INPP4B: variants seen among roughly 807,000 people sequenced by gnomAD.
INPP4B encodes inositol polyphosphate-4-phosphatase type II B.
Under a neutral mutation model 122.5 loss-of-function variants are expected in INPP4B, and 55 were observed. That is an observed-to-expected ratio of 0.45 (90% confidence interval 0.36 to 0.56). The LOEUF (loss-of-function observed/expected upper bound fraction) is 0.56. INPP4B is among the 20% of genes least tolerant of loss of function. The pLI is 0.00. For missense variants in INPP4B, 1,000 were observed against 1,097.7 expected, an observed-to-expected ratio of 0.91 and a Z score of 1.26; for synonymous variants, 403 against 388.7, an observed-to-expected ratio of 1.04 and a Z score of -0.43.
chr4:142,033,235 C>A (rs1741512671), intron 25 of INPP4B, among the ~76,000 whole-genome samples: 1 of 152,164 alleles, frequency 6.6e-6, no homozygotes, highest in Non-Finnish European at 1.5e-5. Context: ...GAAGGCTGGT[C>A]CATAAACTTG....
chr4:142,213,443 G>A (rs1845711487), intron 12 of INPP4B, among the ~76,000 whole-genome samples: 1 of 152,136 alleles, frequency 6.6e-6, no homozygotes, highest in Non-Finnish European at 1.5e-5. Flanking sequence ...TAAGATCTAG[G>A]TCCAACCACA....
chr4:142,226,493 A>AT (rs1851646979), intron 12 of INPP4B, among the ~76,000 whole-genome samples: 1 of 152,226 alleles, frequency 6.6e-6, no homozygotes, highest in South Asian at 2.1e-4. Context: ...TTTAGAGCTA[A>AT]TATTATTTGC....
rs36228246 is a variant in INPP4B, at chr4:142,065,234, A to AACAC, written c.2642+16793_2642+16796dup. The stretch of plus-strand genomic sequence containing the variant: ...ATAAAATGGAGTTAAGAATGAGGCC[A>AACAC]ACACACACACACACACACACACACA... On this transcript the variant is annotated intron_variant, in intron 25 of 25. Transcript: ENST00000262992. Among the ~76,000 whole-genome samples, 291 of 149,640 alleles carry AACAC rather than the reference A, an allele frequency of 1.9e-3. 3 individuals are homozygous for AACAC. The highest frequency in any genetic ancestry group is 6.0e-3 in the African/African-American group (246 of 40,764).
chr4:142,055,152 AC>A (rs1756928049), intron 25 of INPP4B, among the ~76,000 whole-genome samples: 1 of 152,116 alleles, frequency 6.6e-6, no homozygotes, highest in Non-Finnish European at 1.5e-5. Flanking sequence ...AGTAATACTA[AC>A]TATGGAACTG....
At chr4:142,324,408 A>G (rs757148657) in intron 7 of INPP4B, among the ~76,000 whole-genome samples, 8 of 152,058 alleles carry the variant, frequency 5.3e-5, no homozygotes, top group Admixed American at 2.6e-4. Context: ...GAAAAAGTGG[A>G]TATTGTTAAG....
intron 17 of INPP4B, among the ~76,000 whole-genome samples, chr4:142,147,079 C>T (rs892954257): frequency 7.9e-5 from 12 of 152,156 alleles, no homozygotes; most frequent in African/African-American, 2.9e-4. Context: ...TTTCTCTCTC[C>T]AGGCATAATA....
chr4:142,131,420 T>A (rs1801203827), intron 18 of INPP4B, among the ~76,000 whole-genome samples: 1 of 151,824 alleles, frequency 6.6e-6, no homozygotes, highest in Non-Finnish European at 1.5e-5. Flanking sequence ...TAGGTGAATA[T>A]AGAAGTTTCC....
At chr4:142,356,884 T>C (rs1783792996) in intron 7 of INPP4B, among the ~76,000 whole-genome samples, 1 of 151,860 alleles carries the variant, frequency 6.6e-6, no homozygotes, top group Admixed American at 6.6e-5. Flanking sequence ...GGGTGAGGGA[T>C]TACACATTGA....
intron 2 of INPP4B, among the ~76,000 whole-genome samples, chr4:142,545,609 G>A (rs1267011760): frequency 3.3e-5 from 5 of 151,694 alleles, no homozygotes; most frequent in African/African-American, 9.7e-5. Flanking sequence ...AGCCTCCTTT[G>A]TATGCAAATA....
intron 25 of INPP4B, among the ~76,000 whole-genome samples, chr4:142,038,102 C>G (rs1320840640): frequency 6.6e-6 from 1 of 152,066 alleles, no homozygotes; most frequent in Non-Finnish European, 1.5e-5. Flanking sequence ...ACTCGAAATA[C>G]TCTAGATAAT....
intron 2 of INPP4B, among the ~76,000 whole-genome samples, chr4:142,611,637 CTTTTTTT>C (rs34482115): frequency 4.6e-5 from 3 of 65,238 alleles, no homozygotes; most frequent in Non-Finnish European, 7.9e-5. Context: ...TTTCTTTTTT[CTTTTTTT>C]TTTTTTTTTT....
intron 1 of INPP4B, among the ~76,000 whole-genome samples, chr4:142,736,991 G>A (rs551831260): frequency 1.4e-4 from 21 of 152,146 alleles, no homozygotes; most frequent in Non-Finnish European, 3.1e-4. Flanking sequence ...AACATTCCAT[G>A]CTCATGGGTA....
At chr4:142,699,872 A>T (rs1476367492) in intron 2 of INPP4B, among the ~76,000 whole-genome samples, 1 of 152,052 alleles carries the variant, frequency 6.6e-6, no homozygotes, top group Non-Finnish European at 1.5e-5. Context: ...ACTAACTCCA[A>T]TTTATACTAA....
At chr4:142,212,263 A>G (rs1362980412) in intron 12 of INPP4B, among the ~76,000 whole-genome samples, 2 of 152,168 alleles carry the variant, frequency 1.3e-5, no homozygotes, top group African/African-American at 4.8e-5. Context: ...TTAAAAGAGC[A>G]GTAATAAATC....
chr4:142,390,149 T>G lies in INPP4B; in HGVS notation c.372+12789A>C, dbSNP rs1188284873. 2.0e-5 allele frequency among the ~76,000 whole-genome samples: 3 copies of G among 152,178 alleles called. No individual in the cohort carries two copies. In the East Asian group the frequency reaches 5.8e-4, roughly 29 times the overall value. On this transcript the variant is annotated intron_variant, in intron 7 of 25. Coordinates refer to ENST00000262992, the MANE Select transcript of INPP4B (RefSeq NM_001101669.3). ...CACCATACGGTCAAACTGATTAAGA[T>G]AGATACATTTTATCTATAAGGTTTT...
intron 2 of INPP4B, among the ~76,000 whole-genome samples, chr4:142,613,978 A>G (rs531503587): frequency 5.3e-5 from 8 of 152,250 alleles, no homozygotes; most frequent in Non-Finnish European, 1.2e-4. Context: ...ATACAAACCT[A>G]TACTTAAACA....
chr4:142,422,116 T>C (rs1490525722), intron 5 of INPP4B, among the ~76,000 whole-genome samples: 3 of 152,110 alleles, frequency 2.0e-5, no homozygotes, highest in African/African-American at 4.8e-5. Context: ...GATATTATAG[T>C]ATGAACTCAG....
chr4:142,236,913 G>A (rs1344301326), intron 12 of INPP4B, among the ~76,000 whole-genome samples: 1 of 152,180 alleles, frequency 6.6e-6, no homozygotes, highest in Non-Finnish European at 1.5e-5. Context: ...ATTAAAAAGT[G>A]TTAACGCTTT....
At chr4:142,638,707 G>A (rs147170618) in intron 2 of INPP4B, among the ~76,000 whole-genome samples, 193 of 151,912 alleles carry the variant, frequency 1.3e-3, no homozygotes, top group African/African-American at 4.3e-3. Context: ...CACCATGTCC[G>A]GCTAATTTTT....
Sources: allele counts gnomAD v4.1 joint callset (sites outside exome capture counted in the v4.1 genomes callset), GRCh38; gene constraint gnomAD v4.1.1; transcripts MANE v1.5; gene names NCBI Gene and HGNC (gene_info 2026-07-23, HGNC 2026-07-21).